NEB: variants seen among roughly 807,000 people sequenced by gnomAD.
NEB encodes the protein nebulin.
A neutral mutation model predicts 952.2 loss-of-function variants in NEB; 512 were observed. That is an observed-to-expected ratio of 0.54 (90% CI 0.50 to 0.58). The LOEUF is 0.58. Among genes scored for constraint, NEB ranks in the 20% least tolerant of loss-of-function variants. The probability of loss-of-function intolerance (pLI) is 0.00; values close to 1 mark genes in which losing one functional copy is unlikely to be tolerated. For synonymous variants in NEB, 2,900 were observed against 3,149.8 expected, an observed-to-expected ratio of 0.92 and a Z score of 2.66; for missense variants, 8,428 against 9,231.1, an observed-to-expected ratio of 0.91 and a Z score of 3.56.
At chr2:151,630,008 AT>A (rs1225063234) in intron 67 of NEB, among the ~76,000 whole-genome samples, 9 of 152,120 alleles carry the variant, frequency 5.9e-5, no homozygotes, top group African/African-American at 1.9e-4. Context: ...GTGAAAAAAA[AT>A]GGTAGAACAA....
intron 37 of NEB, 108 bp from the exon 38 acceptor site, chr2:151,671,337 G>T: frequency 2.3e-6 from 2 of 866,526 alleles, no homozygotes; most frequent in Non-Finnish European, 3.6e-6. Flanking sequence ...TCTTCAGCAT[G>T]CTCATGTCTG....
intron 51 of NEB, among the ~76,000 whole-genome samples, chr2:151,655,018 A>G (rs368498883): frequency 3.9e-4 from 60 of 151,968 alleles, no homozygotes; most frequent in African/African-American, 1.4e-3. Flanking sequence ...ACAATTTTCT[A>G]TTGATTTCCT....
rs1207596916 is a variant in NEB at position 151,592,150 on chromosome 2, G to GA, written c.14722-13dup. The GA allele has an allele frequency of 6.5e-7, 1 of 1,549,394 alleles. No individual in the cohort carries two copies. The highest frequency in any genetic ancestry group is 2.4e-5 in the East Asian group (1 of 40,932). On this transcript the variant is annotated splice_polypyrimidine_tract_variant and intron_variant, in intron 94 of 181. Coordinates refer to ENST00000397345, the MANE Select transcript of NEB (RefSeq NM_001164508.2). ...TTGCGATACAATGGCTGGGAAAAAT[G>GA]AAAAACGATGGAATGGTCAATTAGT...
chr2:151,655,202 T>C, intron 51 of NEB, 68 bp downstream of exon 51: 1 of 920,274 alleles, frequency 1.1e-6, no homozygotes, highest in Non-Finnish European at 1.6e-6. Flanking sequence ...CAGTATTTAC[T>C]GTTACATTAT....
At chr2:151,716,359 C>T (rs1227423851) in intron 10 of NEB, among the ~76,000 whole-genome samples, 3 of 152,090 alleles carry the variant, frequency 2.0e-5, no homozygotes, top group East Asian at 1.9e-4. Context: ...AGGCTGGTCT[C>T]GAATTCCTGA....
chr2:151,526,805 T>G, intron 148 of NEB, 113 bp downstream of exon 148: 1 of 802,466 alleles, frequency 1.2e-6, no homozygotes, highest in Non-Finnish European at 2.1e-6. Context: ...GACCCATACC[T>G]GAGCCCTGAT....
chr2:151,724,767 G>T, intron 7 of NEB, 90 bp downstream of exon 7: 1 of 1,049,298 alleles, frequency 9.5e-7, no homozygotes, highest in Non-Finnish European at 1.4e-6. Flanking sequence ...TGGTGGGCAG[G>T]ATCAGGCCTG....
At chr2:151,611,311 C>A (rs989556127) in intron 78 of NEB, among the ~76,000 whole-genome samples, 6 of 152,122 alleles carry the variant, frequency 3.9e-5, no homozygotes, top group Admixed American at 2.0e-4. Context: ...GGGGGATAAT[C>A]ATTCTTTTTT....
chr2:151,493,556 A>G, intron 175 of NEB, 111 bp from the exon 176 acceptor site: 1 of 749,656 alleles, frequency 1.3e-6, no homozygotes, highest in Non-Finnish European at 2.1e-6. Context: ...ATCACACTGA[A>G]GGTAAAGCTA....
At chr2:151,504,941 A>C (rs2067596302) in intron 165 of NEB, among the ~76,000 whole-genome samples, 1 of 152,060 alleles carries the variant, frequency 6.6e-6, no homozygotes, top group Non-Finnish European at 1.5e-5. Flanking sequence ...AGATGGAGAG[A>C]GCAAAGAATA....
At chr2:151,725,595 A>G in intron 5 of NEB, 35 bp from the exon 6 acceptor site, 1 of 1,569,660 alleles carries the variant, frequency 6.4e-7, no homozygotes, top group African/African-American at 1.4e-5. Flanking sequence ...CTAACAAGAC[A>G]GCAGTGAAAA....
chr2:151,710,555 G>A lies in NEB; in HGVS notation c.823-17C>T. On this transcript the variant is annotated splice_polypyrimidine_tract_variant and intron_variant, in intron 10 of 181. Transcript: ENST00000397345. Reference sequence around the variant, plus strand: ...GTATTTTTGCTAGAAAAAAGAAAAAGAAAATAAGACAAGCATAACTCATGA... The same window carrying A: ...GTATTTTTGCTAGAAAAAAGAAAAAAAAAATAAGACAAGCATAACTCATGA... The A allele has an allele frequency of 6.7e-7, 1 of 1,483,992 alleles. No homozygotes were observed. The highest frequency in any genetic ancestry group is 9.3e-7 in the Non-Finnish European group (1 of 1,072,398). 91.9% of individuals were successfully genotyped at this position (1,483,992 alleles called of 1,614,324 possible).
At position 151,610,755 on chromosome 2, in the gene NEB, C is replaced by A. The variant is rs1424646372; in HGVS notation, c.11910+7G>T. On this transcript the variant is annotated splice_region_variant and intron_variant, in intron 79 of 181. Coordinates refer to ENST00000397345, the MANE Select transcript of NEB (RefSeq NM_001164508.2). ...TAGGTTTAAGCAACAATCAGGAAAT[C>A]TCTTACTTGGCTGATATTGGCAGAA... The A allele has an allele frequency of 1.2e-6, 2 of 1,603,596 alleles. No homozygotes were observed. Among genetic ancestry groups the A allele is most frequent in the Non-Finnish European group, 1.7e-6 (2 of 1,171,962 alleles).
intron 168 of NEB, 128 bp downstream of exon 168, chr2:151,501,263 A>G: frequency 1.7e-6 from 1 of 582,558 alleles, no homozygotes; most frequent in Non-Finnish European, 3.0e-6. Flanking sequence ...AAACAGAAGG[A>G]TTCAGTTGAT....
chr2:151,546,891 C>A (rs1339306899), intron 133 of NEB, among the ~76,000 whole-genome samples: 1 of 152,092 alleles, frequency 6.6e-6, no homozygotes, highest in Non-Finnish European at 1.5e-5. Context: ...AGTTTACTTG[C>A]ACCCAAATAA....
In NEB at chr2:151,633,841, T is replaced by C. The variant is rs751414365; in HGVS notation, c.9227A>G (p.Lys3076Arg). 6 of 1,613,896 alleles carry C rather than the reference T, an allele frequency of 3.7e-6. No homozygotes were observed. Among genetic ancestry groups the C allele is most frequent in the Non-Finnish European group, 5.1e-6 (6 of 1,179,892 alleles). ...VAKIQSDREY[K>R]KDFEKWKTKF... Reference sequence around the variant, plus strand: ...GGTCTTCCACTTCTCAAAGTCCTTTTTGTACTCCCTGTCACTCTGGATCTT... The same window carrying C: ...GGTCTTCCACTTCTCAAAGTCCTTTCTGTACTCCCTGTCACTCTGGATCTT... The change falls in exon 65 of 182, where the codon AAA (lysine) becomes AGA (arginine). Residue 3076 changes from lysine to arginine, a missense_variant. Lys to Arg is a conservative substitution (Grantham distance 26, BLOSUM62 2). Coordinates refer to ENST00000397345, the MANE Select transcript of NEB (RefSeq NM_001164508.2).
intron 161 of NEB, among the ~76,000 whole-genome samples, chr2:151,510,996 T>C (rs540390514): frequency 4.3e-4 from 65 of 152,336 alleles, no homozygotes; most frequent in Non-Finnish European, 7.2e-4. Context: ...CTGATCTGAA[T>C]TGGGGAGGAA....
chr2:151,507,542 C>G (rs958798637), intron 162 of NEB, among the ~76,000 whole-genome samples: 1 of 152,224 alleles, frequency 6.6e-6, no homozygotes, highest in Non-Finnish European at 1.5e-5. Context: ...CTAGGAGAAT[C>G]TGAACAAACA....
chr2:151,576,300 C>CT lies in NEB; in HGVS notation c.16758dup (p.Gly5587ArgfsTer4). ...TTGACTCTCAACACTTCAGGAGACC[C>CT]TTGGGGCATCCAGCCAATGCCACGC... On this transcript the variant is annotated frameshift_variant, in exon 106 of 182. Transcript: ENST00000397345. LOFTEE classifies it high-confidence loss of function. 6.2e-7 allele frequency: 1 copy of CT among 1,609,860 alleles called. No homozygotes were observed. The highest frequency in any genetic ancestry group is 8.5e-7 in the Non-Finnish European group (1 of 1,177,336).
Sources: gnomAD v4.1 joint callset for allele counts (sites outside exome capture counted in the v4.1 genomes callset) on GRCh38, gnomAD v4.1.1 for gene constraint, MANE v1.5 for transcripts, NCBI Gene and HGNC (gene_info 2026-07-23, HGNC 2026-07-21) for gene names.